CCT7: variants seen among roughly 807,000 people sequenced by gnomAD.
CCT7 encodes T-complex protein 1 subunit eta.
A neutral mutation model predicts 56.6 loss-of-function variants in CCT7; 16 were observed. That is an observed-to-expected ratio of 0.28 (90% confidence interval 0.19 to 0.43). The LOEUF (loss-of-function observed/expected upper bound fraction) is 0.43, where lower values mean the gene tolerates loss of function less well. Ranked by LOEUF, CCT7 falls within the 20% of genes least tolerant of loss-of-function variation. The pLI is 1.00. For synonymous variants in CCT7, 262 were observed against 254.8 expected (o/e 1.03, Z -0.27); for missense variants, 519 against 685.6 (o/e 0.76, Z 2.71).
chr2:73,244,583 T>A lies in CCT7; in HGVS notation c.486T>A (p.Ala162=). 1 of 1,613,818 alleles carries A rather than the reference T, an allele frequency of 6.2e-7. No individual in the cohort carries two copies. Among genetic ancestry groups the A allele is most frequent in the South Asian group, 1.1e-5 (1 of 91,050 alleles). The part of the protein sequence containing the change: ...RKLLEKCAMT[A]LSSKLISQQK... The stretch of plus-strand genomic sequence containing the variant: ...TGCTGGAAAAGTGTGCCATGACCGC[T>A]CTGAGCTCCAAGCTGATCTCCCAGC... Residue 162 remains alanine (A), a synonymous_variant, in exon 6 of 12, where the codon GCT becomes GCA. Transcript: ENST00000258091.
chr2:73,235,535 C>G, intron 1 of CCT7: 1 of 1,001,820 alleles, frequency 1.0e-6, no homozygotes, highest in South Asian at 4.7e-5. Context: ...CTTCCTCTCC[C>G]CTTTATGTCT....
At position 73,234,403 on chromosome 2, in the gene CCT7, A is replaced by C; in HGVS notation, c.6+19A>C. The stretch of plus-strand genomic sequence containing the variant: ...AATGATGGTGAGTGGCGTCTCGCGC[A>C]TCCGTCGCCATCAGCTGCCATCTGG... On this transcript the variant is annotated intron_variant, in intron 1 of 11. Coordinates refer to ENST00000258091, the MANE Select transcript of CCT7 (RefSeq NM_006429.4). 1.2e-6 allele frequency: 2 copies of C among 1,612,852 alleles called. No homozygotes were observed. Among genetic ancestry groups the C allele is most frequent in the South Asian group, 1.1e-5 (1 of 91,078 alleles).
intron 1 of CCT7, among the ~76,000 whole-genome samples, chr2:73,235,849 C>T (rs1686859942): frequency 6.6e-6 from 1 of 152,204 alleles, no homozygotes. Context: ...CTTTGGTTCA[C>T]ATTCACACAG....
At chr2:73,248,954 C>A (rs753875967) in intron 7 of CCT7, 37 bp from the exon 8 acceptor site, 4 of 1,575,306 alleles carry the variant, frequency 2.5e-6, no homozygotes, top group Non-Finnish European at 3.5e-6. Context: ...TCAACCTTCA[C>A]CCCAAAGCAT....
chr2:73,244,800 A>G (rs1687266437), intron 6 of CCT7, 85 bp downstream of exon 6: 1 of 1,060,474 alleles, frequency 9.4e-7, no homozygotes, highest in Non-Finnish European at 1.3e-6. Context: ...GGTACTCATT[A>G]CAGGAATAAA....
intron 1 of CCT7, chr2:73,237,667 A>G (rs1339086626): frequency 2.6e-5 from 4 of 152,224 alleles, no homozygotes; most frequent in Non-Finnish European, 5.9e-5. Flanking sequence ...TTTTCCCTTC[A>G]GTTGACGCCT....
At chr2:73,242,161 C>T (rs1687146189) in intron 3 of CCT7, among the ~76,000 whole-genome samples, 1 of 151,604 alleles carries the variant, frequency 6.6e-6, no homozygotes, top group Non-Finnish European at 1.5e-5. Flanking sequence ...GTGGCTCATG[C>T]CTGTAATTCT....
At chr2:73,249,443 CAA>C (rs1687479566) in intron 8 of CCT7, among the ~76,000 whole-genome samples, 1 of 152,172 alleles carries the variant, frequency 6.6e-6, no homozygotes, top group Non-Finnish European at 1.5e-5. Flanking sequence ...TGGACAAACT[CAA>C]ATATTGATTC....
rs998441886 is a variant in CCT7 at position 73,249,738 on chromosome 2, A to G, written c.973-81A>G. 5 of 914,014 alleles carry G rather than the reference A, an allele frequency of 5.5e-6. No individual in the cohort carries two copies. In the African/African-American group the frequency reaches 8.1e-5, roughly 15 times the overall value. The allele number at this position is 914,014 out of a possible 1,614,324, so 56.6% of individuals were successfully genotyped here. ...AGAGGCTCTGGGGGCATGCGTGGGAATTGGCTTTGAGACGAGGTGGCAGGA... is the reference window on the plus strand; with the variant it reads ...AGAGGCTCTGGGGGCATGCGTGGGAGTTGGCTTTGAGACGAGGTGGCAGGA... On this transcript the variant is annotated intron_variant, in intron 8 of 11. Transcript: ENST00000258091.
At chr2:73,250,636 A>G (rs1687538564) in intron 10 of CCT7, among the ~76,000 whole-genome samples, 198 bp downstream of exon 10, 1 of 152,068 alleles carries the variant, frequency 6.6e-6, no homozygotes, top group African/African-American at 2.4e-5. Context: ...CTGCCTTGAA[A>G]GCTAAGACTT....
intron 3 of CCT7, 94 bp from the exon 4 acceptor site, chr2:73,242,910 T>C (rs1687175702): frequency 9.6e-6 from 14 of 1,451,560 alleles, no homozygotes; most frequent in African/African-American, 1.4e-5. Flanking sequence ...TTAAATAATA[T>C]TCAGTTTAAA....
intron 11 of CCT7, among the ~76,000 whole-genome samples, chr2:73,252,074 G>C (rs996421262): frequency 1.3e-5 from 2 of 152,068 alleles, no homozygotes; most frequent in African/African-American, 4.8e-5. Flanking sequence ...CTACAAGTGT[G>C]ACCCTGGGCT....
At position 73,252,659 on chromosome 2, in the gene CCT7, T is replaced by C. The variant is rs1687646504; in HGVS notation, c.1430T>C (p.Val477Ala). Residue 477 changes from valine to alanine, a missense_variant, in exon 12 of 12, where the codon GTA becomes GCA. Val to Ala is a moderately conservative substitution (Grantham distance 64). Around this residue, in one of 3 missense-constraint regions of CCT7, gnomAD observed 237 missense variants for 300.8 expected, o/e 0.79. Transcript: ENST00000258091. Reference sequence around the variant, plus strand: ...TTTTAGGGGGGTACATGGTATGGAGTAGACATCAACAACGAGGACATTGCT... The same window carrying C: ...TTTTAGGGGGGTACATGGTATGGAGCAGACATCAACAACGAGGACATTGCT... ...RHAQGGTWYGVDINNEDIADN... is the reference protein window; with the variant it reads ...RHAQGGTWYGADINNEDIADN... 1.9e-6 allele frequency: 3 copies of C among 1,613,842 alleles called. No homozygotes were observed. Among genetic ancestry groups the C allele is most frequent in the Non-Finnish European group, 2.5e-6 (3 of 1,179,814 alleles).
Position 73,240,523 on chromosome 2 carries a change from G to T in CCT7, c.247G>T (p.Ala83Ser). The change falls in exon 3 of 12, where the codon GCC becomes TCC. Residue 83 changes from alanine (A) to serine (S), a missense_variant. Physicochemically the swap from Ala to Ser is moderately conservative, Grantham distance 99. Coordinates refer to ENST00000258091, the MANE Select transcript of CCT7 (RefSeq NM_006429.4). ...TGCAGCAAAGACTTTGGTAGACATT[G>T]CCAAATCCCAAGATGCTGAGGTAGG... ...HPAAKTLVDIAKSQDAEVGDG... is the reference protein window; with the variant it reads ...HPAAKTLVDISKSQDAEVGDG... 1 of 1,603,578 alleles carries T rather than the reference G, an allele frequency of 6.2e-7. No homozygotes were observed. Among genetic ancestry groups the T allele is most frequent in the Non-Finnish European group, 8.5e-7 (1 of 1,174,206 alleles).
At chr2:73,246,985 G>A (rs1044147324) in intron 6 of CCT7, among the ~76,000 whole-genome samples, 2 of 152,090 alleles carry the variant, frequency 1.3e-5, no homozygotes, top group African/African-American at 2.4e-5. Flanking sequence ...GAAATGACTC[G>A]GTCATTTAGT....
intron 3 of CCT7, among the ~76,000 whole-genome samples, chr2:73,242,801 T>G (rs1165466392): frequency 6.6e-6 from 1 of 152,258 alleles, no homozygotes; most frequent in Non-Finnish European, 1.5e-5. Flanking sequence ...ATTAATTTGG[T>G]AGCCCAGGAC....
At chr2:73,238,021 C>T (rs1045886072) in intron 1 of CCT7, among the ~76,000 whole-genome samples, 1 of 152,154 alleles carries the variant, frequency 6.6e-6, no homozygotes, top group Non-Finnish European at 1.5e-5. Context: ...GACCCTGTCT[C>T]TTAGAAATAT....
chr2:73,251,273 C>T lies in CCT7; in HGVS notation c.1251C>T (p.Ser417=). The part of the protein sequence containing the change: ...AGGGAIEMEL[S]KYLRDYSRTI... ...GCGGGGCCATTGAGATGGAACTCTC[C>T]AAGTACCTGCGGGATTACTCAAGGA... The change falls in exon 11 of 12, where the codon TCC becomes TCT. Residue 417 remains serine, a synonymous_variant. Coordinates refer to ENST00000258091, the MANE Select transcript of CCT7 (RefSeq NM_006429.4). 6.2e-7 allele frequency: 1 copy of T among 1,614,174 alleles called. No homozygotes were observed. Among genetic ancestry groups the T allele is most frequent in the Non-Finnish European group, 8.5e-7 (1 of 1,180,026 alleles).
rs750318883 is a variant in CCT7 at position 73,234,352 on chromosome 2, T to C, written c.-27T>C. ...CCCGGTCTCGGAGAAGAGGGGAGAG[T>C]GGCGGGCCGCTGAATAAGCTTCCAA... On this transcript the variant is annotated 5_prime_UTR_variant, in exon 1 of 12. Transcript: ENST00000258091. 3 of 1,613,070 alleles carry C rather than the reference T, an allele frequency of 1.9e-6. No homozygotes were observed. Among genetic ancestry groups the C allele is most frequent in the East Asian group, 4.5e-5 (2 of 44,856 alleles).
Sources: gnomAD v4.1 joint callset for allele counts (sites outside exome capture counted in the v4.1 genomes callset) on GRCh38, gnomAD v4.1.1 for gene constraint, gnomAD v4.1.1 regional missense constraint, MANE v1.5 for transcripts, NCBI Gene and HGNC (gene_info 2026-07-23, HGNC 2026-07-21) for gene names.